The following CENPF variants were observed in gnomAD, a reference collection of about 807,000 sequenced individuals.
The protein encoded by CENPF is AH antigen.
In CENPF, 214 loss-of-function variants were observed where a neutral mutation model predicts 307.3. The ratio of observed to expected loss-of-function variants is 0.70; its 90% CI spans 0.62 to 0.78. CENPF has a LOEUF of 0.78. Among genes scored for constraint, CENPF ranks in the 30% least tolerant of loss-of-function variants. The pLI is 0.00. For missense variants in CENPF, 3,401 were observed against 3,483.9 expected, an observed-to-expected ratio of 0.98 and a Z score of 0.60; for synonymous variants, 1,259 against 1,270.6, an observed-to-expected ratio of 0.99 and a Z score of 0.19.
intron 13 of CENPF, among the ~76,000 whole-genome samples, chr1:214,648,136 C>A (rs1255322779): frequency 6.6e-6 from 1 of 152,092 alleles, no homozygotes; most frequent in African/African-American, 2.4e-5. Context: ...TCATCTCCAC[C>A]CTGTATTTTC....
chr1:214,616,580 G>T (rs1032940646), intron 3 of CENPF, among the ~76,000 whole-genome samples: 11 of 143,978 alleles, frequency 7.6e-5, no homozygotes, highest in Non-Finnish European at 4.6e-5. Flanking sequence ...TGAAATGAGA[G>T]TATCTTGAAA....
In CENPF at chr1:214,646,717, C is replaced by G. The variant is rs1289007445; in HGVS notation, c.7147C>G (p.Leu2383Val). 6.2e-7 allele frequency: 1 copy of G among 1,613,906 alleles called. No homozygotes were observed. Among genetic ancestry groups the G allele is most frequent in the Non-Finnish European group, 8.5e-7 (1 of 1,179,986 alleles). Residue 2383 changes from leucine to valine, a missense_variant, in exon 13 of 20, where the codon CTG (leucine) becomes GTG (valine). Physicochemically the swap from Leu to Val is conservative, Grantham distance 32. Coordinates refer to ENST00000366955, the MANE Select transcript of CENPF (RefSeq NM_016343.4). ...IEGMTQSLRGLELDVVTIRSE... is the reference protein window; with the variant it reads ...IEGMTQSLRGVELDVVTIRSE... Reference sequence around the variant, plus strand: ...AGGGATGACCCAAAGTCTGAGAGGTCTGGAATTAGATGTTGTTACTATAAG... The same window carrying G: ...AGGGATGACCCAAAGTCTGAGAGGTGTGGAATTAGATGTTGTTACTATAAG...
In CENPF at chr1:214,659,107, A is replaced by G; in HGVS notation, c.9141+79A>G. 6.8e-7 allele frequency: 1 copy of G among 1,479,258 alleles called. No individual in the cohort carries two copies. Among genetic ancestry groups the G allele is most frequent in the Non-Finnish European group, 9.3e-7 (1 of 1,077,848 alleles). The allele number at this position is 1,479,258 out of a possible 1,614,324, so 91.6% of individuals were successfully genotyped here. On this transcript the variant is annotated intron_variant, in intron 19 of 19. Coordinates refer to ENST00000366955, the MANE Select transcript of CENPF (RefSeq NM_016343.4). This position sits in a 1 kb window ranked among gnomAD's most constrained non-coding sequence, Gnocchi z 4.4. ...TACCTGGGTGAGGATTGGACACTGC[A>G]CCCCCGATTCAGGAGCGCTTTCAAA...
At chr1:214,653,822 A>C (rs1658555727) in intron 16 of CENPF, 1 of 152,234 alleles carries the variant, frequency 6.6e-6, no homozygotes, top group South Asian at 2.1e-4. Context: ...ATAATTAATA[A>C]TGTTCTGCTG....
At chr1:214,661,874 C>CT (rs34450327) in intron 19 of CENPF, among the ~76,000 whole-genome samples, 34 of 148,084 alleles carry the variant, frequency 2.3e-4, no homozygotes, top group Non-Finnish European at 3.1e-4. Context: ...TATGCTTGCA[C>CT]TTTTTTTTTT....
Position 214,646,582 on chromosome 1 carries a change from G to C in CENPF, c.7012G>C (p.Val2338Leu). ...EHHADLLKGR[V>L]ENLERELEIA... ...TCATGCAGATTTACTTAAGGGTAGAGTGGAGAACCTTGAAAGAGAGCTAGA... is the reference window on the plus strand; with the variant it reads ...TCATGCAGATTTACTTAAGGGTAGACTGGAGAACCTTGAAAGAGAGCTAGA... Residue 2338 changes from valine (V) to leucine (L), a missense_variant, in exon 13 of 20, where the codon GTG becomes CTG. Transcript: ENST00000366955. 6.2e-7 allele frequency: 1 copy of C among 1,614,146 alleles called. No individual in the cohort carries two copies. The highest frequency in any genetic ancestry group is 8.5e-7 in the Non-Finnish European group (1 of 1,180,014).
At chr1:214,644,459 G>A in intron 12 of CENPF, 98 bp from the exon 13 acceptor site, 1 of 1,113,524 alleles carries the variant, frequency 9.0e-7, no homozygotes, top group South Asian at 1.8e-5. Flanking sequence ...GTTTAGCAGA[G>A]GCCACGCATC....
chr1:214,648,166 G>T (rs10494983), intron 13 of CENPF, among the ~76,000 whole-genome samples: 11,223 of 152,136 alleles, frequency 0.074, 513 homozygotes, highest in South Asian at 0.14. Flanking sequence ...TGGGGTTTTG[G>T]ATACCTTGCA....
At chr1:214,628,314 T>C (rs573490229) in intron 7 of CENPF, among the ~76,000 whole-genome samples, 1 of 152,306 alleles carries the variant, frequency 6.6e-6, no homozygotes, top group Admixed American at 6.5e-5. Context: ...TAGTGGACTG[T>C]ATTGCAGTTT....
rs907140038 is a variant in CENPF, at chr1:214,640,649, G to A, written c.2311G>A (p.Asp771Asn). ...ESLRDLLKSKDASLVTNEDHQ... is the reference protein window; with the variant it reads ...ESLRDLLKSKNASLVTNEDHQ... ...CCTCAGGGATCTGCTAAAATCCAAA[G>A]ATGCTTCTCTGGTGACAAATGAAGA... Residue 771 changes from aspartate to asparagine, a missense_variant, in exon 12 of 20, where the codon GAT becomes AAT. Transcript: ENST00000366955. 12 of 1,613,992 alleles carry A rather than the reference G, an allele frequency of 7.4e-6. No individual in the cohort carries two copies. Among genetic ancestry groups the A allele is most frequent in the African/African-American group, 1.3e-5 (1 of 74,940 alleles).
chr1:214,613,966 G>A, intron 2 of CENPF, 50 bp downstream of exon 2: 1 of 1,497,486 alleles, frequency 6.7e-7, no homozygotes. Flanking sequence ...TATTGACAGA[G>A]AAGTGCTGGT....
At chr1:214,612,196 A>T (rs548125558) in intron 1 of CENPF, among the ~76,000 whole-genome samples, 1 of 152,262 alleles carries the variant, frequency 6.6e-6, no homozygotes, top group East Asian at 1.9e-4. Flanking sequence ...GGGATGTTGA[A>T]TTTTTAATGA....
At chr1:214,613,240 C>A in intron 1 of CENPF, 1 of 244,980 alleles carries the variant, frequency 4.1e-6, no homozygotes, top group Non-Finnish European at 8.3e-6. Context: ...TTCTTGGAGG[C>A]CCAATTATCA....
At chr1:214,612,791 G>T (rs1160142364) in intron 1 of CENPF, among the ~76,000 whole-genome samples, 2 of 152,210 alleles carry the variant, frequency 1.3e-5, no homozygotes, top group African/African-American at 4.8e-5. Flanking sequence ...CAAAAAATTA[G>T]TATAATTTAC....
intron 3 of CENPF, among the ~76,000 whole-genome samples, chr1:214,616,168 A>G (rs565106335): frequency 3.3e-5 from 5 of 152,158 alleles, no homozygotes; most frequent in Non-Finnish European, 7.4e-5. Flanking sequence ...TGCTTTTTTG[A>G]TGATGGTGTT....
intron 1 of CENPF, among the ~76,000 whole-genome samples, chr1:214,604,097 G>A (rs964247044): frequency 2.0e-5 from 3 of 152,134 alleles, no homozygotes; most frequent in Non-Finnish European, 4.4e-5. Flanking sequence ...CTCAGACCCA[G>A]CCTTGGTACA....
intron 1 of CENPF, among the ~76,000 whole-genome samples, chr1:214,609,348 A>T (rs1424028227): frequency 6.6e-6 from 1 of 152,168 alleles, no homozygotes; most frequent in Middle Eastern, 3.2e-3. Context: ...ATTCATTATT[A>T]AAAAATGATA....
Position 214,651,804 on chromosome 1 carries a change from G to C in CENPF, c.8078G>C (p.Arg2693Thr), listed in dbSNP as rs1358012928. ...CAGGTGGAAAAGGAAGGGAAAGTGA[G>C]AGAGGAAATAGCTGAATATCAGCTA... ...KDQVEKEGKVREEIAEYQLRL... is the reference protein window; with the variant it reads ...KDQVEKEGKVTEEIAEYQLRL... The change falls in exon 15 of 20, where the codon AGA becomes ACA. Residue 2693 changes from arginine (R) to threonine (T), a missense_variant. Coordinates refer to ENST00000366955, the MANE Select transcript of CENPF (RefSeq NM_016343.4). The C allele has an allele frequency of 1.9e-6, 3 of 1,613,490 alleles. No homozygotes were observed. The highest frequency in any genetic ancestry group is 1.3e-5 in the African/African-American group (1 of 74,858).
At chr1:214,643,445 A>G (rs943356462) in intron 12 of CENPF, 121 bp downstream of exon 12, 16 of 852,466 alleles carry the variant, frequency 1.9e-5, no homozygotes, top group Middle Eastern at 5.4e-4. Flanking sequence ...GGTTCAAGGA[A>G]ATAAAATACA....
Sources: allele counts gnomAD v4.1 joint callset (sites outside exome capture counted in the v4.1 genomes callset), GRCh38; gene constraint gnomAD v4.1.1; non-coding constraint Gnocchi (gnomAD v3.1); transcripts MANE v1.5; gene names NCBI Gene and HGNC (gene_info 2026-07-23, HGNC 2026-07-21).